The following INPP5D variants were observed in gnomAD, a reference collection of about 807,000 sequenced individuals.
The protein encoded by INPP5D is inositol polyphosphate-5-phosphatase D.
In INPP5D, 33 loss-of-function variants were observed where a neutral mutation model predicts 122.9. The observed-to-expected ratio is 0.27, with a 90% CI of 0.20 to 0.36. The LOEUF is 0.36. Ranked by LOEUF, INPP5D falls within the 10% of genes least tolerant of loss-of-function variation. The pLI is 1.00. For synonymous variants in INPP5D, 584 were observed against 576.2 expected, an observed-to-expected ratio of 1.01 and a Z score of -0.19; for missense variants, 1,053 against 1,412.7, an observed-to-expected ratio of 0.75 and a Z score of 4.08.
rs769929508 is a variant in INPP5D, at chr2:233,137,877, T to TACAC, written c.666-1964_666-1963insCACA. 2.7e-4 allele frequency among the ~76,000 whole-genome samples: 16 copies of TACAC among 59,378 alleles called. 1 individual carries two copies. Among genetic ancestry groups the TACAC allele is most frequent in the African/African-American group, 5.0e-4 (9 of 17,862 alleles). 39.0% of individuals were successfully genotyped at this position (59,378 alleles called of 152,430 possible). On this transcript the variant is annotated intron_variant, in intron 5 of 26. Transcript: ENST00000445964. Reference sequence around the variant, plus strand: ...AAATATATATATATATATATATATATATATATATATATATATATATACACA... The same window carrying TACAC: ...AAATATATATATATATATATATATATACACATATATATATATATATATATACACA...
chr2:233,200,359 C>T (rs1024774956), intron 25 of INPP5D, among the ~76,000 whole-genome samples: 1 of 152,258 alleles, frequency 6.6e-6, no homozygotes, highest in South Asian at 2.1e-4. Flanking sequence ...CAATTACCAA[C>T]GATTTAAGAT....
intron 1 of INPP5D, among the ~76,000 whole-genome samples, chr2:233,074,638 C>T (rs1691468825): frequency 6.6e-6 from 1 of 151,570 alleles, no homozygotes; most frequent in South Asian, 2.1e-4. Context: ...TTTTTGAACG[C>T]AGGGTTTCCA....
intron 17 of INPP5D, among the ~76,000 whole-genome samples, chr2:233,171,432 G>C (rs1021992868): frequency 7.2e-5 from 11 of 152,292 alleles, no homozygotes; most frequent in Admixed American, 5.2e-4. Flanking sequence ...GGGTTCTGAA[G>C]ATCATTTTTT....
chr2:233,120,158 C>T (rs1393731002), intron 2 of INPP5D, among the ~76,000 whole-genome samples: 1 of 152,184 alleles, frequency 6.6e-6, no homozygotes, highest in East Asian at 1.9e-4. Flanking sequence ...CTTCTAACTC[C>T]AAGGATGGCG....
intron 4 of INPP5D, among the ~76,000 whole-genome samples, chr2:233,127,099 CTCA>C (rs1693185005): frequency 6.6e-6 from 1 of 152,196 alleles, no homozygotes; most frequent in Non-Finnish European, 1.5e-5. Flanking sequence ...CCATCTCCTC[CTCA>C]TCAGCCCCTC....
chr2:233,151,969 C>T (rs1049689605), intron 9 of INPP5D, among the ~76,000 whole-genome samples: 7 of 152,226 alleles, frequency 4.6e-5, no homozygotes, highest in Non-Finnish European at 4.4e-5. Flanking sequence ...TCATACAGTT[C>T]TCATGGATGC....
At chr2:233,203,482 G>A (rs1365046327) in intron 25 of INPP5D, among the ~76,000 whole-genome samples, 1 of 152,186 alleles carries the variant, frequency 6.6e-6, no homozygotes, top group African/African-American at 2.4e-5. Flanking sequence ...AAAGGTCCCA[G>A]GCCAGAACTG....
rs570209680 is a variant in INPP5D, at chr2:233,136,842, A to G, written c.666-3000A>G. On this transcript the variant is annotated intron_variant, in intron 5 of 26. Transcript: ENST00000445964. ...ATTAAGAAAGTTTTAAACATGAGAA[A>G]TGTCAAAGGAGAATTAATAATCTGC... Among the ~76,000 whole-genome samples, 4 of 152,364 alleles carry G rather than the reference A, an allele frequency of 2.6e-5. No individual in the cohort carries two copies. The East Asian group carries it at 7.7e-4, about 29-fold the overall frequency.
intron 9 of INPP5D, 79 bp downstream of exon 9, chr2:233,147,673 G>A (rs1291848510): frequency 1.5e-6 from 1 of 684,406 alleles, no homozygotes; most frequent in Non-Finnish European, 2.7e-6. Flanking sequence ...CCTCTCAGAA[G>A]GCCTGCCCTG....
chr2:233,135,021 G>C (rs560319980), intron 5 of INPP5D, among the ~76,000 whole-genome samples: 4 of 152,146 alleles, frequency 2.6e-5, no homozygotes, highest in Non-Finnish European at 2.9e-5. Flanking sequence ...AAGCTCAGAG[G>C]TGCTACCTGT....
At chr2:233,186,930 C>T (rs1694937701) in intron 21 of INPP5D, among the ~76,000 whole-genome samples, 1 of 151,606 alleles carries the variant, frequency 6.6e-6, no homozygotes, top group Non-Finnish European at 1.5e-5. Context: ...TCATGTTGGC[C>T]ACGCTGGTTT....
intron 2 of INPP5D, among the ~76,000 whole-genome samples, chr2:233,083,329 T>TGC (rs1428285615): frequency 6.6e-6 from 1 of 152,216 alleles, no homozygotes; most frequent in Non-Finnish European, 1.5e-5. Context: ...CCCTCAGCTC[T>TGC]GCTCTTTGGG....
At chr2:233,134,307 T>C (rs1369350164) in intron 5 of INPP5D, 3 of 271,412 alleles carry the variant, frequency 1.1e-5, no homozygotes. Context: ...GGGATGCATA[T>C]GGGGAATCAC....
rs766157575 is a variant in INPP5D, at chr2:233,204,635, GCGA to G, written c.3487_3489del (p.Asp1163del). 4 of 1,583,658 alleles carry G rather than the reference GCGA, an allele frequency of 2.5e-6. No homozygotes were observed. The highest frequency in any genetic ancestry group is 2.6e-6 in the Non-Finnish European group (3 of 1,166,446). ...CAGCACTCCAAGGGCCGCGACTACCGCGACAACACCGAGCTCCCGCATCACGGC... is the reference window on the plus strand; with the variant it reads ...CAGCACTCCAAGGGCCGCGACTACCGCAACACCGAGCTCCCGCATCACGGC... On this transcript the variant is annotated inframe_deletion, in exon 26 of 27. Transcript: ENST00000445964.
chr2:233,135,578 G>A (rs537842962), intron 5 of INPP5D, among the ~76,000 whole-genome samples: 6 of 150,970 alleles, frequency 4.0e-5, no homozygotes, highest in Admixed American at 6.6e-5. Context: ...TAAAATTGTC[G>A]ACATTTAAAA....
At chr2:233,178,786 G>T (rs1158475368) in intron 18 of INPP5D, among the ~76,000 whole-genome samples, 1 of 152,142 alleles carries the variant, frequency 6.6e-6, no homozygotes, top group Non-Finnish European at 1.5e-5. Flanking sequence ...GCCAGGCCCA[G>T]TGGTATTATT....
intron 2 of INPP5D, among the ~76,000 whole-genome samples, chr2:233,108,825 C>T (rs757866579): frequency 5.9e-5 from 9 of 152,224 alleles, no homozygotes; most frequent in Non-Finnish European, 1.0e-4. Context: ...TACCCCGGTA[C>T]CGCAAGAACA....
intron 2 of INPP5D, among the ~76,000 whole-genome samples, chr2:233,115,156 C>G (rs997720211): frequency 1.3e-5 from 2 of 152,194 alleles, no homozygotes; most frequent in Admixed American, 1.3e-4. Flanking sequence ...CGTGAGCCAT[C>G]GCGCCTGGCC....
intron 1 of INPP5D, among the ~76,000 whole-genome samples, chr2:233,062,826 C>T (rs1195572476): frequency 6.6e-6 from 1 of 152,182 alleles, no homozygotes; most frequent in Non-Finnish European, 1.5e-5. Context: ...ACTTTCCATA[C>T]ATCTGCAGGC....
Sources: gnomAD v4.1 joint callset for allele counts (sites outside exome capture counted in the v4.1 genomes callset) on GRCh38, gnomAD v4.1.1 for gene constraint, MANE v1.5 for transcripts, NCBI Gene and HGNC (gene_info 2026-07-23, HGNC 2026-07-21) for gene names.